IL34: variants seen among roughly 807,000 people sequenced by gnomAD.
The protein encoded by IL34 is interleukin-34.
A neutral mutation model predicts 25.3 loss-of-function variants in IL34; 17 were observed. The ratio of observed to expected loss-of-function variants is 0.67; its 90% CI spans 0.46 to 1.01. IL34 has a LOEUF of 1.01. IL34 is among the 50% of genes least tolerant of loss of function. The pLI, the probability that IL34 is intolerant of heterozygous loss-of-function variation, is 0.00. For missense variants in IL34, 368 were observed against 312.9 expected (o/e 1.18, Z -1.33); for synonymous variants, 174 against 140.9 (o/e 1.23, Z -1.66).
rs149916533 is a variant in IL34 at position 70,585,302 on chromosome 16, A to C, written c.-401+5253A>C. On this transcript the variant is annotated intron_variant, in intron 1 of 6. Coordinates refer to the IL34 transcript ENST00000429149. ...ATCCAGGCTTGAGTGCAGTGGCACA[A>C]ACATGGTTCACTGCAGGCTCAAGCG... is the stretch of plus-strand genomic sequence containing the variant. Among the ~76,000 whole-genome samples, 167 of 152,200 alleles carry C rather than the reference A, an allele frequency of 1.1e-3. 1 individual carries two copies. The highest frequency in any genetic ancestry group is 3.6e-3 in the African/African-American group (148 of 41,528).
intron 1 of IL34, among the ~76,000 whole-genome samples, chr16:70,630,929 A>G (rs939990692): frequency 5.3e-5 from 8 of 152,234 alleles, no homozygotes; most frequent in African/African-American, 1.7e-4. Flanking sequence ...AATCTTGGCT[A>G]TTGTGAATAG....
At chr16:70,645,329 C>A (rs183932648), upstream of IL34, among the ~76,000 whole-genome samples, 1 of 152,092 alleles carries the variant, frequency 6.6e-6, no homozygotes, top group Non-Finnish European at 1.5e-5. Context: ...AGGGTAAGGG[C>A]CAGCATTCTT....
At chr16:70,658,452 C>T (rs1186623608) in intron 4 of IL34, among the ~76,000 whole-genome samples, 1 of 148,070 alleles carries the variant, frequency 6.8e-6, no homozygotes, top group Non-Finnish European at 1.5e-5. Flanking sequence ...GATTACAGGA[C>T]TGGGATTACA....
At chr16:70,657,519 C>A (rs142250948) in intron 4 of IL34, among the ~76,000 whole-genome samples, 1 of 152,088 alleles carries the variant, frequency 6.6e-6, no homozygotes, top group Non-Finnish European at 1.5e-5. Flanking sequence ...GCAGGCCGGG[C>A]GCGGCGGCTC....
intron 1 of IL34, among the ~76,000 whole-genome samples, chr16:70,581,778 T>C (rs574161719): frequency 2.0e-5 from 3 of 152,124 alleles, no homozygotes; most frequent in African/African-American, 2.4e-5. Flanking sequence ...ATGTGTAAAA[T>C]AGAGGTTATA....
intron 1 of IL34, among the ~76,000 whole-genome samples, chr16:70,615,803 AT>A (rs2051164375): frequency 6.6e-6 from 1 of 152,248 alleles, no homozygotes; most frequent in Admixed American, 6.5e-5. Flanking sequence ...AATACAAAAA[AT>A]TAGCTGAGTG....
intron 1 of IL34, among the ~76,000 whole-genome samples, chr16:70,636,386 T>G (rs2051645324): frequency 6.6e-6 from 1 of 152,194 alleles, no homozygotes; most frequent in Admixed American, 6.5e-5. Flanking sequence ...ATTTACAGTC[T>G]AGAAACTTAA....
At chr16:70,594,405 A>G (rs1303822240) in intron 1 of IL34, among the ~76,000 whole-genome samples, 1 of 152,180 alleles carries the variant, frequency 6.6e-6, no homozygotes, top group Non-Finnish European at 1.5e-5. Flanking sequence ...TTCAATTTCA[A>G]ATAGGTAATA....
At chr16:70,624,476 T>A (rs548702447) in intron 1 of IL34, among the ~76,000 whole-genome samples, 86 of 152,190 alleles carry the variant, frequency 5.7e-4, no homozygotes, top group African/African-American at 2.0e-3. Context: ...GGGAGCACAT[T>A]GGGTAATAAA....
At chr16:70,592,177 A>T (rs2050763367) in intron 1 of IL34, among the ~76,000 whole-genome samples, 1 of 149,126 alleles carries the variant, frequency 6.7e-6, no homozygotes, top group South Asian at 2.2e-4. Context: ...CTAAAGCCAT[A>T]CAATGCATAA....
chr16:70,623,717 G>A (rs146227891), intron 1 of IL34, among the ~76,000 whole-genome samples: 6,962 of 151,794 alleles, frequency 0.046, 417 homozygotes, highest in African/African-American at 0.14. Context: ...TGTAGCTGTA[G>A]TCCAGGAATA....
chr16:70,607,097 G>GTTTTC (rs1230993297), intron 1 of IL34, among the ~76,000 whole-genome samples: 8 of 151,814 alleles, frequency 5.3e-5, no homozygotes, highest in African/African-American at 1.2e-4. Context: ...TTAGGATTTT[G>GTTTTC]TTTTCTTTTC....
chr16:70,621,611 T>G (rs540332509), intron 1 of IL34, among the ~76,000 whole-genome samples: 1 of 152,240 alleles, frequency 6.6e-6, no homozygotes, highest in East Asian at 1.9e-4. Context: ...GCACCAAATT[T>G]CATGCGCGTC....
rs572540861 is a variant in IL34 at position 70,599,759 on chromosome 16, C to T, written c.-401+19710C>T. On this transcript the variant is annotated intron_variant, in intron 1 of 6. Coordinates refer to the IL34 transcript ENST00000429149. ...GTGTGATCACAGCTTACTGAAGCTT[C>T]GACCTCCTGGCCCCAAGCAATCCTC... Among the ~76,000 whole-genome samples the T allele has an allele frequency of 1.5e-4, 23 of 150,528 alleles. No individual in the cohort carries two copies. The South Asian group carries it at 2.8e-3, about 18-fold the overall frequency.
chr16:70,657,204 G>A, intron 4 of IL34, 83 bp downstream of exon 4: 1 of 1,428,242 alleles, frequency 7.0e-7, no homozygotes, highest in South Asian at 1.3e-5. Flanking sequence ...CCAAAGGCTA[G>A]TGAGGGAAAG....
intron 1 of IL34, among the ~76,000 whole-genome samples, chr16:70,638,530 C>G (rs2051709056): frequency 6.6e-6 from 1 of 152,166 alleles, no homozygotes; most frequent in Non-Finnish European, 1.5e-5. Flanking sequence ...CCCACTCTCT[C>G]TCTGGTCCCC....
At chr16:70,588,827 A>C (rs1389237745) in intron 1 of IL34, among the ~76,000 whole-genome samples, 2 of 152,220 alleles carry the variant, frequency 1.3e-5, no homozygotes, top group East Asian at 3.8e-4. Context: ...GATTCTACTT[A>C]TGTAACGGAG....
chr16:70,646,925 T>G lies in IL34; in HGVS notation c.-23T>G. 3.4e-6 allele frequency: 5 copies of G among 1,480,284 alleles called. No individual in the cohort carries two copies. Among genetic ancestry groups the G allele is most frequent in the Non-Finnish European group, 4.5e-6 (5 of 1,120,340 alleles). The allele number at this position is 1,480,284 out of a possible 1,614,324, so 91.7% of individuals were successfully genotyped here. A position where few individuals can be genotyped will look rare whatever the true frequency, so the allele number is the denominator to read the frequency against. ...ACTGCTGGGGACGGCGCCTGAGCTC[T>G]CAGGGGGACGAGGAACACCACCATG... is the stretch of plus-strand genomic sequence containing the variant. On this transcript the variant is annotated 5_prime_UTR_variant, in exon 1 of 6. Coordinates refer to ENST00000288098, the MANE Select transcript of IL34 (RefSeq NM_001393494.1).
chr16:70,587,395 G>C (rs1212285441), intron 1 of IL34, among the ~76,000 whole-genome samples: 1 of 152,020 alleles, frequency 6.6e-6, no homozygotes, highest in Non-Finnish European at 1.5e-5. Context: ...TCAGCCTCCC[G>C]AGTAGCTGGG....
Sources: allele counts gnomAD v4.1 joint callset (sites outside exome capture counted in the v4.1 genomes callset), GRCh38; gene constraint gnomAD v4.1.1; transcripts MANE v1.5; gene names NCBI Gene and HGNC (gene_info 2026-07-23, HGNC 2026-07-21).